Variants in WWP1 observed in about 807,000 individuals in gnomAD.
WWP1 encodes the protein NEDD4-like E3 ubiquitin-protein ligase WWP1.
WWP1 carries 49 observed loss-of-function variants against 130.6 expected under a neutral mutation model. That is an observed-to-expected ratio of 0.38 (90% CI 0.30 to 0.48). The LOEUF (loss-of-function observed/expected upper bound fraction) is 0.48, where lower values mean the gene tolerates loss of function less well. Ranked by LOEUF, WWP1 falls within the 20% of genes least tolerant of loss-of-function variation. The pLI is 0.99. For synonymous variants in WWP1, 332 were observed against 367.8 expected (o/e 0.90, Z 1.11); for missense variants, 809 against 1,100.6 (o/e 0.74, Z 3.75).
intron 1 of WWP1, among the ~76,000 whole-genome samples, chr8:86,364,705 C>T (rs1368836219): frequency 6.6e-6 from 1 of 151,754 alleles, no homozygotes; most frequent in Non-Finnish European, 1.5e-5. Flanking sequence ...ACTTGAGAGT[C>T]TCAGGCAGGA....
In WWP1 at chr8:86,452,699, C is replaced by CTAT. The variant is rs1398958052; in HGVS notation, c.2394+22_2394+24dup. On this transcript the variant is annotated intron_variant, in intron 21 of 24. Coordinates refer to ENST00000517970, the MANE Select transcript of WWP1 (RefSeq NM_007013.4). ...TTAGAGGTTAGGCCCTTTTATTATG[C>CTAT]TATTGTAGGGAATGTTAGTGGGGGG... 6.2e-7 allele frequency: 1 copy of CTAT among 1,610,386 alleles called. No homozygotes were observed. The highest frequency in any genetic ancestry group is 1.3e-5 in the African/African-American group (1 of 74,618).
rs1213819158 is a variant in WWP1 at position 86,468,170 on chromosome 8, ATTAAC to A, written c.*1282_*1286del. On this transcript the variant is annotated 3_prime_UTR_variant, in exon 25 of 25. Transcript: ENST00000517970. ...GCTTTTAATATGCACTGTAAATTTC[ATTAAC>A]TTAAACATTTTTTAATAGCCATGGA... The A allele has an allele frequency of 1.3e-5, 3 of 232,536 alleles. No individual in the cohort carries two copies. Among genetic ancestry groups the A allele is most frequent in the South Asian group, 5.3e-5 (1 of 18,998 alleles). The allele number at this position is 232,536 out of a possible 1,614,324, so 14.4% of individuals were successfully genotyped here. A position where few individuals can be genotyped will look rare whatever the true frequency, so the allele number is the denominator to read the frequency against.
chr8:86,383,250 A>T (rs1208812700), intron 5 of WWP1, among the ~76,000 whole-genome samples: 1 of 151,972 alleles, frequency 6.6e-6, no homozygotes, highest in East Asian at 1.9e-4. Flanking sequence ...TTTTATAAGT[A>T]TACAGTACCT....
At chr8:86,461,424 C>A in intron 23 of WWP1, 104 bp downstream of exon 23, 2 of 1,002,604 alleles carry the variant, frequency 2.0e-6, no homozygotes, top group Non-Finnish European at 3.0e-6. Context: ...CTCTTCTGTG[C>A]TGTAGGTAGG....
Position 86,435,699 on chromosome 8 carries a change from C to T in WWP1, c.1744C>T (p.Gln582Ter). 6.2e-7 allele frequency: 1 copy of T among 1,611,556 alleles called. No homozygotes were observed. Among genetic ancestry groups the T allele is most frequent in the South Asian group, 1.1e-5 (1 of 90,906 alleles). The stretch of plus-strand genomic sequence containing the variant: ...GCAGACATTGTTTGAAGATTCCTTC[C>T]AACAGGTAAGGAGGATTTTAGCAGA... ...SRQTLFEDSFQQIMALKPYDL... is the reference protein window; with the variant it reads ...SRQTLFEDSF The change falls in exon 16 of 25, where the codon CAA (glutamine) becomes TAA (stop). Residue 582 changes from glutamine to a stop codon, truncating the protein, a stop_gained. Coordinates refer to ENST00000517970, the MANE Select transcript of WWP1 (RefSeq NM_007013.4). LOFTEE classifies it high-confidence loss of function.
chr8:86,424,077 C>T (rs1809430313), intron 9 of WWP1, among the ~76,000 whole-genome samples: 1 of 151,506 alleles, frequency 6.6e-6, no homozygotes, highest in East Asian at 2.0e-4. Flanking sequence ...AGGGGCTCCT[C>T]ACTTCTCAGA....
At position 86,438,618 on chromosome 8, in the gene WWP1, C is replaced by A; in HGVS notation, c.1783C>A (p.Arg595Ser). ...ATTAAAACCCTATGACTTGAGGAGGCGCTTATATGTAATATTTAGAGGAGA... is the reference window on the plus strand; with the variant it reads ...ATTAAAACCCTATGACTTGAGGAGGAGCTTATATGTAATATTTAGAGGAGA... ...MALKPYDLRR[R>S]LYVIFRGEEG... Residue 595 changes from arginine to serine, a missense_variant, in exon 17 of 25, where the codon CGC becomes AGC. Arg to Ser is a moderately radical substitution (Grantham distance 110, BLOSUM62 -1). Around this residue, in one of 3 missense-constraint regions of WWP1, gnomAD observed 450 missense variants for 674.2 expected, o/e 0.67. Coordinates refer to ENST00000517970, the MANE Select transcript of WWP1 (RefSeq NM_007013.4). 1 of 1,606,690 alleles carries A rather than the reference C, an allele frequency of 6.2e-7. No homozygotes were observed. Among genetic ancestry groups the A allele is most frequent in the East Asian group, 2.2e-5 (1 of 44,664 alleles).
intron 1 of WWP1, among the ~76,000 whole-genome samples, chr8:86,363,084 A>G (rs879372331): frequency 1.3e-5 from 2 of 152,214 alleles, no homozygotes; most frequent in South Asian, 2.1e-4. Flanking sequence ...AAATTTAGTT[A>G]CAGATCAAAT....
chr8:86,416,895 C>A (rs539327223), intron 9 of WWP1, among the ~76,000 whole-genome samples: 13 of 152,250 alleles, frequency 8.5e-5, no homozygotes, highest in Admixed American at 4.6e-4. Flanking sequence ...AAAGCCAGAG[C>A]AGCCCCCTTT....
chr8:86,382,706 G>T (rs920381312), intron 5 of WWP1, among the ~76,000 whole-genome samples: 1 of 151,692 alleles, frequency 6.6e-6, no homozygotes, highest in Non-Finnish European at 1.5e-5. Flanking sequence ...TCTCAAACCC[G>T]CAAAAAACCA....
chr8:86,445,949 G>GTCTTTTCTTTTCTTT (rs1191146847), intron 18 of WWP1, among the ~76,000 whole-genome samples: 44 of 109,144 alleles, frequency 4.0e-4, no homozygotes, highest in African/African-American at 1.6e-3. Flanking sequence ...CTGCTTATAT[G>GTCTTTTCTTTTCTTT]TCTTTTCTTT....
chr8:86,405,357 A>G (rs10090107), intron 8 of WWP1, among the ~76,000 whole-genome samples: 20,318 of 133,944 alleles, frequency 0.15, 3,806 homozygotes, highest in African/African-American at 0.45. Flanking sequence ...TGGTAAACTC[A>G]TTTGATGGCA....
intron 22 of WWP1, among the ~76,000 whole-genome samples, chr8:86,459,830 C>G (rs963294849): frequency 6.6e-6 from 1 of 152,112 alleles, no homozygotes; most frequent in Non-Finnish European, 1.5e-5. Context: ...TCATATAAAT[C>G]CAAATGAATA....
chr8:86,402,096 A>G lies in WWP1; in HGVS notation c.617A>G (p.Tyr206Cys), dbSNP rs776276535. Reference sequence around the variant, plus strand: ...CTAGTCCAAAACTCATGCTGCTCGTATGTAGTTAATGGAGACAACACACCT... The same window carrying G: ...CTAGTCCAAAACTCATGCTGCTCGTGTGTAGTTAATGGAGACAACACACCT... The part of the protein sequence containing the change: ...STLVQNSCCS[Y>C]VVNGDNTPSS... Residue 206 changes from tyrosine to cysteine, a missense_variant, in exon 8 of 25, where the codon TAT becomes TGT. Transcript: ENST00000517970. The G allele has an allele frequency of 5.0e-6, 8 of 1,614,150 alleles. No homozygotes were observed. The highest frequency in any genetic ancestry group is 6.8e-6 in the Non-Finnish European group (8 of 1,180,020).
intron 7 of WWP1, among the ~76,000 whole-genome samples, chr8:86,400,699 A>G (rs1025952731): frequency 3.3e-5 from 5 of 152,250 alleles, no homozygotes; most frequent in African/African-American, 1.2e-4. Flanking sequence ...ACCACCTGGC[A>G]TATAATAATT....
At chr8:86,373,071 GT>G (rs34499209) in intron 2 of WWP1, among the ~76,000 whole-genome samples, 93,031 of 132,402 alleles carry the variant, frequency 0.7, 31,927 homozygotes, top group African/African-American at 0.78. Context: ...TTCTTAGTTT[GT>G]TTTTTTTTTT....
intron 21 of WWP1, among the ~76,000 whole-genome samples, chr8:86,457,376 A>G (rs758605834): frequency 2.5e-4 from 38 of 151,810 alleles, no homozygotes; most frequent in Non-Finnish European, 4.9e-4. Context: ...GTTTGGAACT[A>G]ATGAATTTGG....
intron 2 of WWP1, among the ~76,000 whole-genome samples, chr8:86,373,702 G>A (rs762623502): frequency 3.9e-5 from 6 of 152,200 alleles, no homozygotes; most frequent in Admixed American, 6.5e-5. Flanking sequence ...TCTGCCATAT[G>A]TTAGGAGTTT....
chr8:86,369,455 A>T (rs1824159703), intron 2 of WWP1, among the ~76,000 whole-genome samples: 1 of 152,154 alleles, frequency 6.6e-6, no homozygotes, highest in African/African-American at 2.4e-5. Flanking sequence ...ATTGGGTGAT[A>T]TGAAAGGGTT....
Sources: allele counts gnomAD v4.1 joint callset (sites outside exome capture counted in the v4.1 genomes callset), GRCh38; gene constraint gnomAD v4.1.1; regional missense constraint gnomAD v4.1.1; transcripts MANE v1.5; gene names NCBI Gene and HGNC (gene_info 2026-07-23, HGNC 2026-07-21).